REPS2: variants seen among roughly 807,000 people sequenced by gnomAD.
REPS2 encodes ralBP1-associated Eps domain-containing protein 2.
A neutral mutation model predicts 53.6 loss-of-function variants in REPS2; 23 were observed. The observed-to-expected ratio is 0.43, with a 90% CI of 0.31 to 0.61. The LOEUF is 0.61. Ranked by LOEUF, REPS2 falls within the 20% of genes least tolerant of loss-of-function variation. The probability of loss-of-function intolerance (pLI) is 0.11; values close to 1 mark genes in which losing one functional copy is unlikely to be tolerated. For missense variants in REPS2, 446 were observed against 534.9 expected, an observed-to-expected ratio of 0.83 and a Z score of 1.64; for synonymous variants, 238 against 218.6, an observed-to-expected ratio of 1.09 and a Z score of -0.78.
intron 8 of REPS2, among the ~76,000 whole-genome samples, chrX:17,057,899 A>C (rs1169332171): frequency 8.9e-6 from 1 of 111,767 alleles, no homozygotes; most frequent in Non-Finnish European, 1.9e-5. Context: ...CTCTAAAGGG[A>C]ATTAATAGCT....
chrX:17,062,551 C>T lies in REPS2; in HGVS notation c.1209+19C>T. On this transcript the variant is annotated intron_variant, in intron 9 of 17. Transcript: ENST00000357277. ...GATGGAGGTAAAAGATCTTCATATG[C>T]TAATAAATAAGGATGTGTATGGAGC... 4.5e-6 allele frequency: 5 copies of T among 1,111,748 alleles called. No individual in the cohort carries two copies. The highest frequency in any genetic ancestry group is 6.2e-6 in the Non-Finnish European group (5 of 812,556). The allele number at this position is 1,111,748 out of a possible 1,213,427, so 91.6% of individuals were successfully genotyped here. A position where few individuals can be genotyped will look rare whatever the true frequency, so the allele number is the denominator to read the frequency against.
At chrX:16,964,652 C>A (rs750891853) in intron 1 of REPS2, among the ~76,000 whole-genome samples, 1 of 97,545 alleles carries the variant, frequency 1.0e-5, no homozygotes, top group East Asian at 3.5e-4. Context: ...GCTGGCCGGA[C>A]GGGGGGCTGA....
chrX:17,063,092 G>C (rs748625873), intron 9 of REPS2, among the ~76,000 whole-genome samples: 1 of 111,895 alleles, frequency 8.9e-6, no homozygotes, highest in Non-Finnish European at 1.9e-5. Context: ...ATGGATGGAA[G>C]GGCTTAGCCA....
intron 1 of REPS2, among the ~76,000 whole-genome samples, chrX:17,001,869 C>T (rs1234758419): frequency 1.8e-5 from 2 of 111,402 alleles, no homozygotes; most frequent in Non-Finnish European, 3.8e-5. Context: ...GATAAACCCA[C>T]CAGATCTCAT....
At chrX:17,165,296 A>G in the REPS2 span, among the ~76,000 whole-genome samples, 3 of 111,990 alleles carry the variant, frequency 2.7e-5, no homozygotes, top group Admixed American at 9.5e-5. Flanking sequence ...ACCAGTTTGG[A>G]TAAACTAAGG....
At chrX:17,135,720 CA>C in intron 16 of REPS2, 1 of 226,301 alleles carries the variant, frequency 4.4e-6, no homozygotes, top group Non-Finnish European at 7.9e-6. Context: ...ATTTTCCTGG[CA>C]AGATGAAAGT....
intron 17 of REPS2, among the ~76,000 whole-genome samples, chrX:17,143,454 C>T (rs922959588): frequency 4.7e-5 from 1 of 21,158 alleles, no homozygotes; most frequent in Non-Finnish European, 6.6e-5. Context: ...TTGGTGGGCC[C>T]TTTTGGAAAC....
At chrX:17,165,049 C>CTA in the REPS2 span, among the ~76,000 whole-genome samples, 82 of 107,350 alleles carry the variant, frequency 7.6e-4, no homozygotes, top group African/African-American at 2.5e-3. Flanking sequence ...ACCACCACCA[C>CTA]CACACACACA....
chrX:17,093,938 CT>C (rs1418908093), intron 13 of REPS2, among the ~76,000 whole-genome samples: 1 of 111,847 alleles, frequency 8.9e-6, no homozygotes, highest in Non-Finnish European at 1.9e-5. Context: ...TCAGTTTCAG[CT>C]TTTTGAAGCA....
At chrX:17,059,237 C>G (rs1318436953) in intron 8 of REPS2, among the ~76,000 whole-genome samples, 1 of 107,420 alleles carries the variant, frequency 9.3e-6, no homozygotes, top group Non-Finnish European at 1.9e-5. Flanking sequence ...GTCTTGATCT[C>G]CTGACCTCAT....
intron 13 of REPS2, among the ~76,000 whole-genome samples, chrX:17,082,759 A>G (rs1454048620): frequency 8.9e-6 from 1 of 112,695 alleles, no homozygotes; most frequent in Non-Finnish European, 1.9e-5. Flanking sequence ...GGATGATGCT[A>G]AAGAAACTGG....
intron 6 of REPS2, among the ~76,000 whole-genome samples, chrX:17,051,774 T>A (rs1199514070): frequency 8.9e-6 from 1 of 112,527 alleles, no homozygotes; most frequent in African/African-American, 3.2e-5. Context: ...CAGTAAGGTC[T>A]AACATTTCAA....
At chrX:17,070,481 AGTT>A (rs1343157049) in intron 11 of REPS2, among the ~76,000 whole-genome samples, 1 of 112,083 alleles carries the variant, frequency 8.9e-6, no homozygotes, top group Non-Finnish European at 1.9e-5. Context: ...GAAAAATAAA[AGTT>A]GTCCAGTTTT....
chrX:17,014,472 A>T (rs1321624348), intron 2 of REPS2, among the ~76,000 whole-genome samples: 1 of 111,808 alleles, frequency 8.9e-6, no homozygotes, highest in African/African-American at 3.3e-5. Context: ...TTTCAGATCA[A>T]TGGGCAGATA....
intron 1 of REPS2, among the ~76,000 whole-genome samples, chrX:16,968,239 C>T (rs1490640098): frequency 6.3e-5 from 7 of 110,794 alleles, no homozygotes; most frequent in Non-Finnish European, 1.1e-4. Flanking sequence ...CCATGTCTAC[C>T]TCTTTCTACA....
Position 17,099,912 on chromosome X carries a change from T to C in REPS2, c.1517-3806T>C. 1.9e-6 allele frequency: 2 copies of C among 1,064,562 alleles called. 1 individual carries two copies. The highest frequency in any genetic ancestry group is 6.6e-4 in the Middle Eastern group (2 of 3,035). The allele number at this position is 1,064,562 out of a possible 1,213,427, so 87.7% of individuals were successfully genotyped here. A position where few individuals can be genotyped will look rare whatever the true frequency, so the allele number is the denominator to read the frequency against. The stretch of plus-strand genomic sequence containing the variant: ...GTCAGCCTCATCAGAATTTTTCCCT[T>C]TCATCAGGAACATGAGCTCTCCACT... On this transcript the variant is annotated intron_variant, in intron 13 of 17. Transcript: ENST00000357277.
At chrX:17,015,327 T>C (rs1047933220) in intron 2 of REPS2, among the ~76,000 whole-genome samples, 1 of 112,699 alleles carries the variant, frequency 8.9e-6, no homozygotes, top group Non-Finnish European at 1.9e-5. Context: ...ATTGATTTAG[T>C]AGGACCACTT....
intron 1 of REPS2, among the ~76,000 whole-genome samples, chrX:16,953,980 G>T (rs2060558433): frequency 9.0e-6 from 1 of 110,860 alleles, no homozygotes; most frequent in Non-Finnish European, 1.9e-5. Context: ...TTGAGACAGG[G>T]TCTTGCTGTG....
At chrX:17,000,046 C>CAA (rs61082179) in intron 1 of REPS2, among the ~76,000 whole-genome samples, 337 of 25,660 alleles carry the variant, frequency 0.013, 1 homozygote, top group African/African-American at 0.03. Context: ...GACTCCGTCT[C>CAA]AAAAAAAAAA....
Sources: allele counts gnomAD v4.1 joint callset (sites outside exome capture counted in the v4.1 genomes callset), GRCh38; gene constraint gnomAD v4.1.1; transcripts MANE v1.5; gene names NCBI Gene and HGNC (gene_info 2026-07-23, HGNC 2026-07-21).